TRMT11: variants seen among roughly 807,000 people sequenced by gnomAD.
TRMT11 encodes the protein tRNA (guanine(10)-N(2))-methyltransferase TRMT11.
Under a neutral mutation model 62.8 loss-of-function variants are expected in TRMT11, and 53 were observed. The observed-to-expected ratio is 0.84, with a 90% confidence interval of 0.68 to 1.06. The LOEUF is 1.06. Ranked by LOEUF, TRMT11 falls within the 50% of genes least tolerant of loss-of-function variation. The pLI, the probability that TRMT11 is intolerant of heterozygous loss-of-function variation, is 0.00. For missense variants in TRMT11, 556 were observed against 553.4 expected (o/e 1.00, Z -0.05); for synonymous variants, 188 against 190.3 (o/e 0.99, Z 0.10).
chr6:126,053,361 C>A (rs187540668), intron 17 of TRMT11, among the ~76,000 whole-genome samples: 2 of 152,146 alleles, frequency 1.3e-5, no homozygotes, highest in Non-Finnish European at 2.9e-5. Context: ...CCAGCCAATT[C>A]CTAGAGATAA....
chr6:126,071,745 T>C (rs1370193944), intron 17 of TRMT11, among the ~76,000 whole-genome samples: 6 of 151,882 alleles, frequency 4.0e-5, no homozygotes, highest in Non-Finnish European at 7.4e-5. Context: ...ACTACAATTG[T>C]CCTTTAGTGT....
Position 126,094,395 on chromosome 6 carries a change from T to A in TRMT11, c.*1438-18471T>A, listed in dbSNP as rs76399904. On this transcript the variant is annotated intron_variant and NMD_transcript_variant, in intron 17 of 22. Transcript: ENST00000648977. ...GCTACAATGTCACATGGCACCATCA[T>A]ACATATATAATTGGCAAATTTTTGT... 2.3e-3 allele frequency among the ~76,000 whole-genome samples: 350 copies of A among 152,328 alleles called. 11 individuals are homozygous for A. The East Asian group carries it at 0.059, about 26-fold the overall frequency.
intron 12 of TRMT11, among the ~76,000 whole-genome samples, chr6:126,025,644 G>T (rs554207692): frequency 4.5e-4 from 68 of 152,296 alleles, no homozygotes; most frequent in African/African-American, 1.5e-3. Context: ...ATTGCAGCAA[G>T]ATCTCAATCC....
intron 17 of TRMT11, among the ~76,000 whole-genome samples, chr6:126,075,903 A>G (rs1466189048): frequency 1.3e-5 from 2 of 152,190 alleles, no homozygotes; most frequent in African/African-American, 4.8e-5. Flanking sequence ...TTAGCCCAGA[A>G]GTGACATGTG....
the TRMT11 span, among the ~76,000 whole-genome samples, chr6:126,209,639 T>G: frequency 4.0e-5 from 6 of 151,396 alleles, no homozygotes; most frequent in Non-Finnish European, 8.8e-5. Flanking sequence ...GGCAGGAGAA[T>G]GGCGTGAACT....
chr6:126,083,726 C>G lies in TRMT11; in HGVS notation c.*1438-29140C>G, dbSNP rs939588905. On this transcript the variant is annotated intron_variant and NMD_transcript_variant, in intron 17 of 22. Transcript: ENST00000648977. ...CGTACATTAGATCACTAGACTTATT[C>G]GTCATACATATCTGCTACTCTGTAT... 3.9e-5 allele frequency among the ~76,000 whole-genome samples: 6 copies of G among 152,208 alleles called. No individual in the cohort carries two copies. In the South Asian group the frequency reaches 8.3e-4, roughly 21 times the overall value.
At chr6:126,050,601 A>T (rs1776188480) in intron 16 of TRMT11, among the ~76,000 whole-genome samples, 1 of 152,088 alleles carries the variant, frequency 6.6e-6, no homozygotes, top group African/African-American at 2.4e-5. Flanking sequence ...CAGGAGGCTG[A>T]GGTGGGAAGA....
chr6:125,986,733 G>A, intron 1 of TRMT11, 111 bp downstream of exon 1: 1 of 1,047,796 alleles, frequency 9.5e-7, no homozygotes, highest in Non-Finnish European at 1.4e-6. Context: ...GGGGGTCTTC[G>A]CTGGTCTGCG....
chr6:126,172,090 A>G (rs1778336180), intron 21 of TRMT11, among the ~76,000 whole-genome samples: 3 of 152,150 alleles, frequency 2.0e-5, no homozygotes, highest in Admixed American at 2.0e-4. Context: ...ACATGATTAC[A>G]TTGTTTGGAG....
At chr6:126,191,943 T>C (rs1778606098) in intron 1 of TRMT11, among the ~76,000 whole-genome samples, 1 of 152,132 alleles carries the variant, frequency 6.6e-6, no homozygotes, top group South Asian at 2.1e-4. Flanking sequence ...TGTGGTTCTG[T>C]ACTGTATGAA....
At chr6:126,142,717 A>C (rs754674160) in intron 21 of TRMT11, among the ~76,000 whole-genome samples, 3 of 152,060 alleles carry the variant, frequency 2.0e-5, no homozygotes, top group African/African-American at 4.8e-5. Flanking sequence ...TGACACCTAA[A>C]AGAACTTTAA....
At chr6:126,061,204 C>T (rs1259311126) in intron 17 of TRMT11, among the ~76,000 whole-genome samples, 1 of 152,188 alleles carries the variant, frequency 6.6e-6, no homozygotes, top group Non-Finnish European at 1.5e-5. Context: ...TCTCAGGCCC[C>T]ACATCAGACC....
At chr6:126,247,712 G>T in the TRMT11 span, among the ~76,000 whole-genome samples, 2 of 151,326 alleles carry the variant, frequency 1.3e-5, no homozygotes, top group Non-Finnish European at 3.0e-5. Context: ...TAGAAATTGG[G>T]ATAAAAGAAA....
intron 1 of TRMT11, chr6:125,986,872 T>G (rs757521092): frequency 3.3e-5 from 17 of 518,296 alleles, no homozygotes; most frequent in Non-Finnish European, 4.4e-5. Flanking sequence ...AGTACCGGAG[T>G]TAGGCAGGTG....
the TRMT11 span, among the ~76,000 whole-genome samples, chr6:126,245,446 A>G: frequency 9.9e-5 from 15 of 152,242 alleles, no homozygotes; most frequent in African/African-American, 3.6e-4. Context: ...CTCAAACTTA[A>G]AGGGCAACTG....
At chr6:126,134,925 A>G (rs1777833591) in intron 21 of TRMT11, among the ~76,000 whole-genome samples, 1 of 151,846 alleles carries the variant, frequency 6.6e-6, no homozygotes, top group African/African-American at 2.4e-5. Context: ...AAGAAGGACA[A>G]TAAAAAATTT....
the TRMT11 span, chr6:126,257,870 T>C: frequency 7.7e-7 from 1 of 1,305,640 alleles, no homozygotes; most frequent in Non-Finnish European, 1.1e-6. Context: ...TGCTATGAGG[T>C]CGGGGGGACA....
At chr6:126,270,642 G>A in the TRMT11 span, among the ~76,000 whole-genome samples, 5 of 152,070 alleles carry the variant, frequency 3.3e-5, no homozygotes, top group African/African-American at 1.2e-4. Flanking sequence ...ACATGCTGAG[G>A]AATTAAGCAA....
intron 1 of TRMT11, among the ~76,000 whole-genome samples, chr6:126,182,172 G>A (rs1453775575): frequency 6.6e-6 from 1 of 152,072 alleles, no homozygotes; most frequent in Non-Finnish European, 1.5e-5. Context: ...AAGCAGAATG[G>A]GATTGAGAAC....
Sources: gnomAD v4.1 joint callset for allele counts (sites outside exome capture counted in the v4.1 genomes callset) on GRCh38, gnomAD v4.1.1 for gene constraint, MANE v1.5 for transcripts, NCBI Gene and HGNC (gene_info 2026-07-23, HGNC 2026-07-21) for gene names.